Variants in CDKAL1 observed in about 807,000 individuals in gnomAD.
CDKAL1 encodes the protein CDKAL1 threonylcarbamoyladenosine tRNA methylthiotransferase, also known as threonylcarbamoyladenosine tRNA methylthiotransferase.
CDKAL1 carries 32 observed loss-of-function variants against 68.2 expected under a neutral mutation model. The ratio of observed to expected loss-of-function variants is 0.47; its 90% CI spans 0.35 to 0.63. The LOEUF (loss-of-function observed/expected upper bound fraction) is 0.63. CDKAL1 is among the 30% of genes least tolerant of loss of function. The pLI is 0.00. For synonymous variants in CDKAL1, 234 were observed against 244.3 expected (o/e 0.96, Z 0.39); for missense variants, 606 against 696.7 (o/e 0.87, Z 1.47).
At chr6:20,669,011 T>C (rs1332862763) in intron 5 of CDKAL1, among the ~76,000 whole-genome samples, 1 of 152,190 alleles carries the variant, frequency 6.6e-6, no homozygotes, top group Non-Finnish European at 1.5e-5. Context: ...ACCAAGAAGA[T>C]TCAGGCTGTT....
intron 4 of CDKAL1, among the ~76,000 whole-genome samples, chr6:20,552,640 T>C (rs937402372): frequency 4.0e-5 from 6 of 150,728 alleles, no homozygotes; most frequent in Non-Finnish European, 7.4e-5. Context: ...TTTTTGCTAA[T>C]GTAGCATAGT....
chr6:21,100,989 C>T (rs1292398600), intron 12 of CDKAL1, among the ~76,000 whole-genome samples: 2 of 152,188 alleles, frequency 1.3e-5, no homozygotes, highest in Non-Finnish European at 2.9e-5. Flanking sequence ...TTCAGAAGCA[C>T]TTACCAGGTA....
intron 13 of CDKAL1, among the ~76,000 whole-genome samples, chr6:21,130,745 G>A (rs1775272213): frequency 6.6e-6 from 1 of 152,162 alleles, no homozygotes; most frequent in African/African-American, 2.4e-5. Context: ...GAAAGCCACA[G>A]TAGACTAGGT....
chr6:21,125,769 C>T (rs1451818927), intron 13 of CDKAL1, among the ~76,000 whole-genome samples: 1 of 152,196 alleles, frequency 6.6e-6, no homozygotes, highest in Non-Finnish European at 1.5e-5. Context: ...GACTAATACA[C>T]CATCAGAAAT....
At chr6:20,863,242 C>T (rs1309758805) in intron 9 of CDKAL1, among the ~76,000 whole-genome samples, 1 of 151,972 alleles carries the variant, frequency 6.6e-6, no homozygotes, top group African/African-American at 2.4e-5. Flanking sequence ...TGCTTGTGGC[C>T]CTTTGTATTT....
intron 5 of CDKAL1, among the ~76,000 whole-genome samples, chr6:20,685,186 A>C (rs1010569730): frequency 6.6e-6 from 1 of 152,170 alleles, no homozygotes; most frequent in African/African-American, 2.4e-5. Flanking sequence ...TCAAGAATGT[A>C]AGGTCTGTGT....
intron 4 of CDKAL1, among the ~76,000 whole-genome samples, chr6:20,594,026 C>T (rs1434535384): frequency 6.6e-6 from 1 of 152,226 alleles, no homozygotes; most frequent in East Asian, 1.9e-4. Flanking sequence ...TTTGATTGCA[C>T]TGTGGTCTGA....
At chr6:20,910,260 C>CA (rs1762407417) in intron 9 of CDKAL1, among the ~76,000 whole-genome samples, 1 of 152,162 alleles carries the variant, frequency 6.6e-6, no homozygotes, top group Non-Finnish European at 1.5e-5. Flanking sequence ...GTATTCATAA[C>CA]AAGTACCTCA....
At chr6:20,974,026 A>G (rs547183002) in intron 10 of CDKAL1, among the ~76,000 whole-genome samples, 2 of 152,358 alleles carry the variant, frequency 1.3e-5, no homozygotes, top group East Asian at 3.9e-4. Context: ...CGTGAAGAGG[A>G]TAAAACAAAG....
chr6:21,065,208 G>A lies in CDKAL1; in HGVS notation c.1216G>A (p.Glu406Lys). The A allele has an allele frequency of 1.2e-6, 2 of 1,608,652 alleles. No individual in the cohort carries two copies. The highest frequency in any genetic ancestry group is 1.7e-6 in the Non-Finnish European group (2 of 1,178,424). ...PRPGTPAAKM[E>K]QVPAQVKKQR... ...ACCAGGAACTCCTGCTGCAAAAATG[G>A]AACAAGTTCCAGCACAAGTGGTAAG... Residue 406 changes from glutamate to lysine, a missense_variant, in exon 12 of 16, where the codon GAA becomes AAA. Coordinates refer to ENST00000274695, the MANE Select transcript of CDKAL1 (RefSeq NM_017774.3).
chr6:21,065,319 A>T (rs945587288), intron 12 of CDKAL1, 91 bp downstream of exon 12: 1 of 1,001,504 alleles, frequency 1.0e-6, no homozygotes, highest in Non-Finnish European at 1.5e-6. Flanking sequence ...TGCTCATGTT[A>T]TAACCCTTAA....
At chr6:21,181,435 C>T (rs1777785447) in intron 13 of CDKAL1, among the ~76,000 whole-genome samples, 1 of 152,192 alleles carries the variant, frequency 6.6e-6, no homozygotes, top group Non-Finnish European at 1.5e-5. Context: ...ACAAGTTCAA[C>T]CCACTCTTGC....
intron 5 of CDKAL1, among the ~76,000 whole-genome samples, chr6:20,717,129 T>G (rs1298363309): frequency 6.6e-6 from 1 of 151,860 alleles, no homozygotes; most frequent in African/African-American, 2.4e-5. Context: ...ACAAGACTGA[T>G]TTGAGTGGGT....
At chr6:20,582,040 T>G (rs1316567321) in intron 4 of CDKAL1, among the ~76,000 whole-genome samples, 1 of 152,198 alleles carries the variant, frequency 6.6e-6, no homozygotes, top group Non-Finnish European at 1.5e-5. Context: ...ATAATTGATA[T>G]TTGAGGATCA....
At chr6:20,646,197 C>G (rs1050085740) in intron 4 of CDKAL1, among the ~76,000 whole-genome samples, 2 of 151,488 alleles carry the variant, frequency 1.3e-5, no homozygotes, top group African/African-American at 4.9e-5. Context: ...GCTGGGATTA[C>G]AGGCGCCTGC....
intron 5 of CDKAL1, among the ~76,000 whole-genome samples, chr6:20,676,516 A>C (rs1770107225): frequency 6.6e-6 from 1 of 151,860 alleles, no homozygotes; most frequent in African/African-American, 2.4e-5. Flanking sequence ...AAATACAAAA[A>C]GTTAGCCAGG....
intron 9 of CDKAL1, among the ~76,000 whole-genome samples, chr6:20,898,248 T>C (rs925550175): frequency 6.6e-6 from 1 of 151,710 alleles, no homozygotes; most frequent in East Asian, 1.9e-4. Flanking sequence ...GTTCTGCTTG[T>C]CTTTATCCCT....
chr6:20,827,009 C>T (rs57522121), intron 8 of CDKAL1, among the ~76,000 whole-genome samples: 1,523 of 152,192 alleles, frequency 0.01, 32 homozygotes, highest in African/African-American at 0.032. Flanking sequence ...CACAGTGGCT[C>T]ATAGTTAAAA....
intron 4 of CDKAL1, among the ~76,000 whole-genome samples, chr6:20,635,608 A>G (rs1366854132): frequency 6.6e-6 from 1 of 152,168 alleles, no homozygotes; most frequent in African/African-American, 2.4e-5. Context: ...AAAAAGTTTC[A>G]GATTTTGGAG....
Sources: gnomAD v4.1 joint callset for allele counts (sites outside exome capture counted in the v4.1 genomes callset) on GRCh38, gnomAD v4.1.1 for gene constraint, MANE v1.5 for transcripts, NCBI Gene and HGNC (gene_info 2026-07-23, HGNC 2026-07-21) for gene names.